The following MMP16 variants were observed in gnomAD, a reference collection of about 807,000 sequenced individuals.
MMP16 encodes the protein matrix metallopeptidase 16.
Under a neutral mutation model 67.8 loss-of-function variants are expected in MMP16, and 12 were observed. That is an observed-to-expected ratio of 0.18 (90% CI 0.11 to 0.29). The LOEUF is 0.29. Ranked by LOEUF, MMP16 falls within the 10% of genes least tolerant of loss-of-function variation. The probability of loss-of-function intolerance (pLI) is 1.00; values close to 1 mark genes in which losing one functional copy is unlikely to be tolerated. For synonymous variants in MMP16, 249 were observed against 255.9 expected, an observed-to-expected ratio of 0.97 and a Z score of 0.26; for missense variants, 475 against 765.7, an observed-to-expected ratio of 0.62 and a Z score of 4.48.
At chr8:88,257,708 T>C (rs1212357454) in intron 1 of MMP16, among the ~76,000 whole-genome samples, 1 of 152,230 alleles carries the variant, frequency 6.6e-6, no homozygotes, top group Non-Finnish European at 1.5e-5. Flanking sequence ...ATTGAACAAA[T>C]ATTTGTTAAT....
At chr8:88,050,304 CAGAG>C (rs1432324577) in intron 8 of MMP16, among the ~76,000 whole-genome samples, 1 of 152,130 alleles carries the variant, frequency 6.6e-6, no homozygotes, top group African/African-American at 2.4e-5. Flanking sequence ...GCTTGGGCAA[CAGAG>C]AGAGACTTCA....
At chr8:88,201,549 C>T (rs544077194) in intron 1 of MMP16, among the ~76,000 whole-genome samples, 56 of 152,134 alleles carry the variant, frequency 3.7e-4, no homozygotes, top group Non-Finnish European at 6.2e-4. Flanking sequence ...TTTTGGGAAA[C>T]AATTTTTTTA....
intron 3 of MMP16, among the ~76,000 whole-genome samples, chr8:88,185,993 C>T (rs1017178511): frequency 1.3e-5 from 2 of 152,116 alleles, no homozygotes; most frequent in South Asian, 2.1e-4. Context: ...CCATTAATAA[C>T]AATTGTCACT....
chr8:88,061,096 T>C (rs1321468942), intron 7 of MMP16, among the ~76,000 whole-genome samples: 2 of 148,368 alleles, frequency 1.3e-5, no homozygotes, highest in South Asian at 2.2e-4. Flanking sequence ...AATGCAAACT[T>C]ACCCCGAGCC....
intron 3 of MMP16, among the ~76,000 whole-genome samples, chr8:88,180,501 T>C (rs561068156): frequency 4.6e-5 from 7 of 152,216 alleles, no homozygotes; most frequent in African/African-American, 1.4e-4. Flanking sequence ...ATTTAAGATA[T>C]AGCAGATTTC....
At chr8:88,137,844 A>G (rs1808146709) in intron 4 of MMP16, among the ~76,000 whole-genome samples, 1 of 151,978 alleles carries the variant, frequency 6.6e-6, no homozygotes. Context: ...TGATATTGGA[A>G]GATAGACACT....
intron 7 of MMP16, among the ~76,000 whole-genome samples, chr8:88,065,833 C>T (rs1193046756): frequency 2.0e-5 from 3 of 152,010 alleles, no homozygotes; most frequent in African/African-American, 7.2e-5. Context: ...AATAAAATAA[C>T]AATTAAAGTC....
chr8:88,134,383 CA>C (rs1018652604), intron 4 of MMP16, among the ~76,000 whole-genome samples: 1 of 151,708 alleles, frequency 6.6e-6, no homozygotes, highest in Admixed American at 6.6e-5. Flanking sequence ...AATTCAACTT[CA>C]AACTTGAAGA....
chr8:88,256,204 TA>T (rs1306997608), intron 1 of MMP16, among the ~76,000 whole-genome samples: 5 of 152,320 alleles, frequency 3.3e-5, no homozygotes, highest in African/African-American at 1.2e-4. Flanking sequence ...TTATTTTTTT[TA>T]ATTCCATTGT....
intron 1 of MMP16, among the ~76,000 whole-genome samples, chr8:88,280,581 ATTTTGTTTTTC>A (rs1321251213): frequency 2.0e-5 from 3 of 152,118 alleles, no homozygotes; most frequent in Non-Finnish European, 2.9e-5. Context: ...AATTATTTTT[ATTTTGTTTTTC>A]TTTTGTTTTT....
chr8:88,180,520 G>T (rs961758915), intron 3 of MMP16, among the ~76,000 whole-genome samples: 2 of 151,812 alleles, frequency 1.3e-5, no homozygotes, highest in Non-Finnish European at 2.9e-5. Context: ...TCATAGAAAA[G>T]AAAATTATTG....
chr8:88,306,095 T>A (rs1034607347), intron 1 of MMP16, among the ~76,000 whole-genome samples: 1 of 151,170 alleles, frequency 6.6e-6, no homozygotes, highest in African/African-American at 2.4e-5. Context: ...TTAGAAATGA[T>A]AAGGGGGATG....
At chr8:88,213,604 T>A (rs534064464) in intron 1 of MMP16, among the ~76,000 whole-genome samples, 3 of 152,246 alleles carry the variant, frequency 2.0e-5, no homozygotes, top group South Asian at 4.1e-4. Flanking sequence ...TGATCAGTTA[T>A]AAGATCAATT....
chr8:88,166,857 C>T (rs1028726196), intron 4 of MMP16, among the ~76,000 whole-genome samples: 3 of 151,168 alleles, frequency 2.0e-5, no homozygotes, highest in African/African-American at 7.3e-5. Context: ...AGGTGTGAGC[C>T]ACTGCGCCCA....
rs1270340746 is a variant in MMP16, at chr8:88,058,920, G to A, written c.1223-2642C>T. 6.6e-6 allele frequency among the ~76,000 whole-genome samples: 1 copy of A among 152,062 alleles called. No homozygotes were observed. Among genetic ancestry groups the A allele is most frequent in the Non-Finnish European group, 1.5e-5 (1 of 67,978 alleles). On this transcript the variant is annotated intron_variant, in intron 7 of 9. Transcript: ENST00000286614. The surrounding 1 kb of genome is among the most constrained non-coding windows in gnomAD (Gnocchi z 4.2). ...TAAAATAAAGTCAGGACATATTTTG[G>A]AGATGGAATTGATAGGCATTGCCAA...
intron 1 of MMP16, among the ~76,000 whole-genome samples, chr8:88,214,139 A>C (rs928334554): frequency 5.3e-5 from 8 of 152,108 alleles, no homozygotes; most frequent in Non-Finnish European, 1.2e-4. Context: ...CTCAAGATGA[A>C]CTCTCTCCAG....
At chr8:88,320,203 A>G (rs1177775071) in intron 1 of MMP16, among the ~76,000 whole-genome samples, 2 of 152,172 alleles carry the variant, frequency 1.3e-5, no homozygotes, top group East Asian at 3.8e-4. Flanking sequence ...CTGGATTTTA[A>G]ACTCTGCTTT....
chr8:88,070,649 C>T (rs560614264), intron 7 of MMP16, among the ~76,000 whole-genome samples: 1 of 152,170 alleles, frequency 6.6e-6, no homozygotes, highest in Non-Finnish European at 1.5e-5. Context: ...ACTCTCAGCT[C>T]TGTATCTTCA....
chr8:88,041,414 G>T lies in MMP16; in HGVS notation c.*47C>A. The T allele has an allele frequency of 6.4e-7, 1 of 1,557,384 alleles. No individual in the cohort carries two copies. Among genetic ancestry groups the T allele is most frequent in the East Asian group, 2.3e-5 (1 of 44,360 alleles). On this transcript the variant is annotated 3_prime_UTR_variant, in exon 10 of 10. Transcript: ENST00000286614. The surrounding 1 kb of genome is among the most constrained non-coding windows in gnomAD (Gnocchi z 6.0). Reference sequence around the variant, plus strand: ...TAACAGCTCTTGTCTTGAATCTCAAGTTACCACAAACTCCTGCAAAAGAAA... The same window carrying T: ...TAACAGCTCTTGTCTTGAATCTCAATTTACCACAAACTCCTGCAAAAGAAA...
Sources: gnomAD v4.1 joint callset for allele counts (sites outside exome capture counted in the v4.1 genomes callset) on GRCh38, gnomAD v4.1.1 for gene constraint, Gnocchi (gnomAD v3.1) non-coding constraint, MANE v1.5 for transcripts, NCBI Gene and HGNC (gene_info 2026-07-23, HGNC 2026-07-21) for gene names.